Variants in CACNG3 observed in about 807,000 individuals in gnomAD.
The protein encoded by CACNG3 is calcium voltage-gated channel auxiliary subunit gamma 3.
In CACNG3, 3 loss-of-function variants were observed where a neutral mutation model predicts 28.5. The observed-to-expected ratio is 0.11, with a 90% CI of 0.05 to 0.27. The LOEUF (loss-of-function observed/expected upper bound fraction) is 0.27, where lower values mean the gene tolerates loss of function less well. Among genes scored for constraint, CACNG3 ranks in the 10% least tolerant of loss-of-function variants. CACNG3 has a pLI of 1.00. For missense variants in CACNG3, 236 were observed against 414.4 expected (o/e 0.57, Z 3.74); for synonymous variants, 174 against 162.2 (o/e 1.07, Z -0.55).
At chr16:24,359,090 A>G (rs1447419443) in intron 3 of CACNG3, among the ~76,000 whole-genome samples, 2 of 152,190 alleles carry the variant, frequency 1.3e-5, no homozygotes, top group African/African-American at 2.4e-5. Flanking sequence ...TGCCCCCAGA[A>G]AGACCTTCTT....
At chr16:24,284,506 C>T (rs1470224637) in intron 1 of CACNG3, among the ~76,000 whole-genome samples, 1 of 151,992 alleles carries the variant, frequency 6.6e-6, no homozygotes, top group African/African-American at 2.4e-5. Flanking sequence ...CTTTTTTCTT[C>T]TCTATTTTCT....
At chr16:24,298,966 C>A (rs1453792889) in intron 1 of CACNG3, among the ~76,000 whole-genome samples, 1 of 152,174 alleles carries the variant, frequency 6.6e-6, no homozygotes, top group African/African-American at 2.4e-5. Flanking sequence ...ATGCTATCAA[C>A]ATGACTCACC....
At chr16:24,310,318 C>G (rs1899243141) in intron 1 of CACNG3, among the ~76,000 whole-genome samples, 1 of 152,182 alleles carries the variant, frequency 6.6e-6, no homozygotes, top group Admixed American at 6.5e-5. Context: ...AATCCCAGCA[C>G]TTTGGGAGGC....
chr16:24,270,719 A>C (rs1898676225), intron 1 of CACNG3, among the ~76,000 whole-genome samples: 1 of 152,218 alleles, frequency 6.6e-6, no homozygotes, highest in Admixed American at 6.5e-5. Context: ...CTTAAGAAAG[A>C]GATAATCTTA....
intron 1 of CACNG3, among the ~76,000 whole-genome samples, chr16:24,326,004 T>G (rs374403391): frequency 1.3e-5 from 2 of 152,196 alleles, no homozygotes; most frequent in East Asian, 3.8e-4. Context: ...TTAGCAAGAT[T>G]CAGATGGTCA....
rs1027777858 is a variant in CACNG3, at chr16:24,292,741, G to A, written c.211+35776G>A. 4.6e-5 allele frequency among the ~76,000 whole-genome samples: 7 copies of A among 152,244 alleles called. No individual in the cohort carries two copies. In the East Asian group the frequency reaches 5.8e-4, roughly 13 times the overall value. On this transcript the variant is annotated intron_variant, in intron 1 of 3. Coordinates refer to ENST00000005284, the MANE Select transcript of CACNG3 (RefSeq NM_006539.4). ...GGAGGACAAATTGTTTAAAAGCAAC[G>A]CAGCTATTTTAACAAAATGCTTTTT... is the stretch of plus-strand genomic sequence containing the variant.
chr16:24,304,932 C>T (rs183358426), intron 1 of CACNG3, among the ~76,000 whole-genome samples: 11 of 152,172 alleles, frequency 7.2e-5, no homozygotes, highest in Non-Finnish European at 2.9e-5. Context: ...CTGGCAAAAA[C>T]AAGATGTCAA....
intron 1 of CACNG3, among the ~76,000 whole-genome samples, chr16:24,346,103 G>A (rs1215691698): frequency 1.3e-5 from 2 of 152,188 alleles, no homozygotes; most frequent in Non-Finnish European, 2.9e-5. Flanking sequence ...CTGACTGGAG[G>A]AGAGGGGAAA....
At chr16:24,305,254 T>C (rs954698315) in intron 1 of CACNG3, among the ~76,000 whole-genome samples, 17 of 152,116 alleles carry the variant, frequency 1.1e-4, no homozygotes, top group Non-Finnish European at 2.2e-4. Context: ...TCGGTTTTTC[T>C]GTGAGCCTAA....
intron 1 of CACNG3, 86 bp downstream of exon 1, chr16:24,257,051 G>C (rs1898468055): frequency 1.2e-6 from 1 of 847,058 alleles, no homozygotes; most frequent in Non-Finnish European, 1.9e-6. Context: ...ATGGTGATAA[G>C]GAAAGAAGAG....
chr16:24,312,360 G>C (rs1402121403), intron 1 of CACNG3, among the ~76,000 whole-genome samples: 3 of 152,138 alleles, frequency 2.0e-5, no homozygotes, highest in African/African-American at 7.2e-5. Flanking sequence ...AGAGTATGAC[G>C]TCCAAAGTCA....
chr16:24,289,516 A>C (rs1898938333), intron 1 of CACNG3, among the ~76,000 whole-genome samples: 1 of 152,202 alleles, frequency 6.6e-6, no homozygotes, highest in Non-Finnish European at 1.5e-5. Flanking sequence ...GGAGCCTTGC[A>C]TTTCAGAGGG....
At chr16:24,319,475 A>G (rs1042569616) in intron 1 of CACNG3, among the ~76,000 whole-genome samples, 5 of 152,152 alleles carry the variant, frequency 3.3e-5, no homozygotes, top group Admixed American at 2.6e-4. Context: ...TTTGCAAGAG[A>G]AGAGGTCTTG....
At position 24,361,891 on chromosome 16, in the gene CACNG3, C is replaced by G. The variant is rs1019578291; in HGVS notation, c.*28C>G. On this transcript the variant is annotated 3_prime_UTR_variant, in exon 4 of 4. Transcript: ENST00000005284. The surrounding 1 kb of genome is among the most constrained non-coding windows in gnomAD (Gnocchi z 6.8). Reference sequence around the variant, plus strand: ...TGACCTCTGACCTCTGCCCCACGCCCAGCACAGCCTTGGGGGAAGTGTACA... The same window carrying G: ...TGACCTCTGACCTCTGCCCCACGCCGAGCACAGCCTTGGGGGAAGTGTACA... 6.3e-7 allele frequency: 1 copy of G among 1,576,250 alleles called. No homozygotes were observed. Among genetic ancestry groups the G allele is most frequent in the Non-Finnish European group, 8.6e-7 (1 of 1,165,370 alleles).
chr16:24,318,919 G>A (rs77120956), intron 1 of CACNG3, among the ~76,000 whole-genome samples: 3 of 152,208 alleles, frequency 2.0e-5, no homozygotes, highest in East Asian at 1.9e-4. Flanking sequence ...TGTGGCATCC[G>A]GACAAGGCAT....
intron 2 of CACNG3, among the ~76,000 whole-genome samples, chr16:24,354,494 G>A (rs1475224746): frequency 6.6e-6 from 1 of 152,116 alleles, no homozygotes; most frequent in Non-Finnish European, 1.5e-5. Context: ...GGAAGGTGTT[G>A]GTGATAGGTG....
intron 1 of CACNG3, among the ~76,000 whole-genome samples, chr16:24,274,297 T>A (rs1370818920): frequency 1.3e-5 from 2 of 151,746 alleles, no homozygotes; most frequent in East Asian, 3.9e-4. Context: ...TTACTTAACC[T>A]CTCTGTGTCT....
intron 2 of CACNG3, among the ~76,000 whole-genome samples, chr16:24,348,731 TC>T (rs1899902303): frequency 6.6e-6 from 1 of 152,236 alleles, no homozygotes. Flanking sequence ...TTGCATCTTC[TC>T]AATAGAGAAT....
At chr16:24,313,108 G>GAAGGAAGGAAGC (rs1372732379) in intron 1 of CACNG3, among the ~76,000 whole-genome samples, 15 of 151,382 alleles carry the variant, frequency 9.9e-5, no homozygotes, top group African/African-American at 3.6e-4. Context: ...AGGAAGGAAG[G>GAAGGAAGGAAGC]AAGCTTCTGT....
Sources: gnomAD v4.1 joint callset for allele counts (sites outside exome capture counted in the v4.1 genomes callset) on GRCh38, gnomAD v4.1.1 for gene constraint, Gnocchi (gnomAD v3.1) non-coding constraint, MANE v1.5 for transcripts, NCBI Gene and HGNC (gene_info 2026-07-23, HGNC 2026-07-21) for gene names.